Variants in TIAM2 observed in about 807,000 individuals in gnomAD.
The protein encoded by TIAM2 is TIAM Rac1 associated GEF 2.
Under a neutral mutation model 152.9 loss-of-function variants are expected in TIAM2, and 80 were observed. The ratio of observed to expected loss-of-function variants is 0.52; its 90% CI spans 0.44 to 0.63. The LOEUF is 0.63. TIAM2 is among the 30% of genes least tolerant of loss of function. The pLI, the probability that TIAM2 is intolerant of heterozygous loss-of-function variation, is 0.00. For missense variants in TIAM2, 1,965 were observed against 2,120.1 expected (o/e 0.93, Z 1.44); for synonymous variants, 804 against 838.0 (o/e 0.96, Z 0.70).
intron 2 of TIAM2, among the ~76,000 whole-genome samples, chr6:155,122,910 G>A (rs1322719429): frequency 6.7e-6 from 1 of 148,628 alleles, no homozygotes; most frequent in Non-Finnish European, 1.5e-5. Context: ...ATTTTTTTCA[G>A]CCCCCTTTCT....
At chr6:155,092,809 C>T (rs918446306) in intron 2 of TIAM2, among the ~76,000 whole-genome samples, 17 of 152,022 alleles carry the variant, frequency 1.1e-4, no homozygotes, top group Non-Finnish European at 1.9e-4. Context: ...GAGCCAAGAT[C>T]GCACCATTGC....
At chr6:155,037,419 GA>G (rs942139441) in intron 1 of TIAM2, among the ~76,000 whole-genome samples, 1 of 150,900 alleles carries the variant, frequency 6.6e-6, no homozygotes, top group African/African-American at 2.4e-5. Flanking sequence ...TTTCTGTTCT[GA>G]AAAAAAAATC....
chr6:154,998,205 C>T lies in TIAM2; in HGVS notation c.-209+2713C>T, dbSNP rs117104963. ...AGCCACTCAGGTTTACGTGTCTAAT[C>T]GTGATTTGCTAAGAGAGATAAGGGG... On this transcript the variant is annotated intron_variant, in intron 1 of 26. Transcript: ENST00000682666. 6.7e-3 allele frequency among the ~76,000 whole-genome samples: 1,014 copies of T among 152,208 alleles called. 7 individuals carry two copies. Among genetic ancestry groups the T allele is most frequent in the Non-Finnish European group, 0.011 (762 of 68,010 alleles).
intron 8 of TIAM2, 51 bp from the exon 9 acceptor site, chr6:155,165,212 C>T: frequency 6.5e-7 from 1 of 1,535,090 alleles, no homozygotes; most frequent in East Asian, 2.3e-5. Context: ...ATTTTTTCTG[C>T]CACTCAAATA....
intron 1 of TIAM2, among the ~76,000 whole-genome samples, chr6:155,088,052 C>CTTTTTTTTTTTTTTTT (rs113372173): frequency 2.5e-5 from 3 of 118,998 alleles, no homozygotes; most frequent in Admixed American, 8.5e-5. Flanking sequence ...TTCTTTCTTT[C>CTTTTTTTTTTTTTTTT]TTTTTTTTTT....
intron 2 of TIAM2, among the ~76,000 whole-genome samples, chr6:155,112,286 C>T (rs563650449): frequency 2.0e-5 from 3 of 151,954 alleles, no homozygotes; most frequent in East Asian, 1.9e-4. Context: ...CCACCAAGCC[C>T]GGCTAATTTT....
intron 1 of TIAM2, chr6:155,013,622 G>C (rs541169295): frequency 6.6e-6 from 1 of 152,252 alleles, no homozygotes; most frequent in South Asian, 2.1e-4. Flanking sequence ...TTTCTAGGGA[G>C]GGGGAAGGGC....
intron 1 of TIAM2, among the ~76,000 whole-genome samples, chr6:155,024,748 G>A (rs183537759): frequency 1.1e-3 from 174 of 151,954 alleles, no homozygotes; most frequent in Non-Finnish European, 1.9e-3. Flanking sequence ...ATTTTACTGA[G>A]CAAATGTCCT....
intron 14 of TIAM2, among the ~76,000 whole-genome samples, chr6:155,199,421 C>T (rs188370842): frequency 2.6e-5 from 4 of 152,206 alleles, no homozygotes; most frequent in African/African-American, 9.6e-5. Flanking sequence ...CCAATAGTGA[C>T]AGTGAGTTGT....
At chr6:155,147,620 G>A (rs889692678) in intron 6 of TIAM2, among the ~76,000 whole-genome samples, 2 of 152,162 alleles carry the variant, frequency 1.3e-5, no homozygotes, top group Non-Finnish European at 2.9e-5. Flanking sequence ...CAAGTAGCTG[G>A]GCTTACAGGC....
chr6:155,056,189 T>TTTTG (rs1777447749), intron 1 of TIAM2, among the ~76,000 whole-genome samples: 1 of 142,150 alleles, frequency 7.0e-6, no homozygotes, highest in African/African-American at 2.6e-5. Context: ...TTTTTTTTTT[T>TTTTG]GAGACAGAGT....
intron 1 of TIAM2, among the ~76,000 whole-genome samples, chr6:155,015,034 G>T (rs142340620): frequency 7.7e-4 from 117 of 152,224 alleles, no homozygotes; most frequent in Admixed American, 2.0e-3. Context: ...TGGAGGGTTG[G>T]ACTGGCAGAG....
Position 155,256,894 on chromosome 6 carries a change from C to G in TIAM2, c.4879C>G (p.Leu1627Val). 6.2e-7 allele frequency: 1 copy of G among 1,614,220 alleles called. No individual in the cohort carries two copies. The highest frequency in any genetic ancestry group is 8.5e-7 in the Non-Finnish European group (1 of 1,180,044). Reference sequence around the variant, plus strand: ...TCAGAAAGGAGGAGAGCAGCCCAAACTGGTCCGGGGGCACTTCTGCCCCAT... The same window carrying G: ...TCAGAAAGGAGGAGAGCAGCCCAAAGTGGTCCGGGGGCACTTCTGCCCCAT... ...EGQKGGEQPK[L>V]VRGHFCPIKR... Residue 1627 changes from leucine to valine, a missense_variant, in exon 27 of 27, where the codon CTG (leucine) becomes GTG (valine). Transcript: ENST00000682666.
At chr6:155,175,021 G>T (rs557557759) in intron 9 of TIAM2, among the ~76,000 whole-genome samples, 1 of 152,188 alleles carries the variant, frequency 6.6e-6, no homozygotes, top group Non-Finnish European at 1.5e-5. Context: ...AAAAGTACCC[G>T]AGAGAATGAA....
chr6:155,207,263 T>A (rs931883487), intron 14 of TIAM2, among the ~76,000 whole-genome samples: 1 of 152,240 alleles, frequency 6.6e-6, no homozygotes, highest in Non-Finnish European at 1.5e-5. Context: ...TCTTCCAGAA[T>A]GTACTTTTAT....
intron 1 of TIAM2, among the ~76,000 whole-genome samples, chr6:155,048,076 G>C (rs7750502): frequency 0.78 from 118,726 of 151,968 alleles, 46,625 homozygotes; most frequent in Non-Finnish European, 0.82. Flanking sequence ...CCTCAGCCTC[G>C]CAAGTAGCTG....
intron 18 of TIAM2, 186 bp downstream of exon 18, chr6:155,244,969 T>G: frequency 1.4e-6 from 1 of 712,526 alleles, no homozygotes; most frequent in Non-Finnish European, 2.0e-6. Context: ...ATATTTTTTT[T>G]TCCTGGCGCA....
chr6:155,230,837 T>C (rs918680995), intron 15 of TIAM2, among the ~76,000 whole-genome samples: 24 of 80,104 alleles, frequency 3.0e-4, no homozygotes, highest in Non-Finnish European at 5.0e-4. Flanking sequence ...GCAGAGCTAC[T>C]TTTTTTTTTT....
At chr6:155,154,519 C>T (rs965715131) in intron 7 of TIAM2, among the ~76,000 whole-genome samples, 2 of 152,188 alleles carry the variant, frequency 1.3e-5, no homozygotes, top group Non-Finnish European at 1.5e-5. Flanking sequence ...GCCATCCACA[C>T]GCCAGATCGC....
Sources: gnomAD v4.1 joint callset for allele counts (sites outside exome capture counted in the v4.1 genomes callset) on GRCh38, gnomAD v4.1.1 for gene constraint, MANE v1.5 for transcripts, NCBI Gene and HGNC (gene_info 2026-07-23, HGNC 2026-07-21) for gene names.